Variants in SNTG2 observed in about 807,000 individuals in gnomAD.
SNTG2 encodes gamma-2-syntrophin.
Under a neutral mutation model 70.9 loss-of-function variants are expected in SNTG2, and 74 were observed. That is an observed-to-expected ratio of 1.04 (90% CI 0.86 to 1.27). SNTG2 has a LOEUF of 1.27. Among genes scored for constraint, SNTG2 ranks in the 50% most tolerant of loss-of-function variants. The probability of loss-of-function intolerance (pLI) is 0.00; values close to 1 mark genes in which losing one functional copy is unlikely to be tolerated. For missense variants in SNTG2, 717 were observed against 690.7 expected (o/e 1.04, Z -0.43); for synonymous variants, 278 against 273.8 (o/e 1.02, Z -0.15).
Position 1,267,477 on chromosome 2 carries a change from A to G in SNTG2, c.1190A>G (p.Lys397Arg), listed in dbSNP as rs1430385643. The G allele has an allele frequency of 2.5e-6, 4 of 1,613,796 alleles. No individual in the cohort carries two copies. The highest frequency in any genetic ancestry group is 3.4e-6 in the Non-Finnish European group (4 of 1,179,862). The change falls in exon 14 of 17, where the codon AAG (lysine) becomes AGG (arginine). Residue 397 changes from lysine to arginine, a missense_variant. Coordinates refer to ENST00000308624, the MANE Select transcript of SNTG2 (RefSeq NM_018968.4). ...TTCAGCATCGTGGCCGGCCATGGGA[A>G]GAGCCATGTTTTCAACGTGGAGCTT... is the stretch of plus-strand genomic sequence containing the variant. Reference protein sequence around the residue: ...YCFSIVAGHGKSHVFNVELGS... With the variant: ...YCFSIVAGHGRSHVFNVELGS...
intron 1 of SNTG2, among the ~76,000 whole-genome samples, chr2:965,771 C>G (rs557291924): frequency 6.6e-6 from 1 of 152,198 alleles, no homozygotes; most frequent in African/African-American, 2.4e-5. Flanking sequence ...GCTGGGCCCC[C>G]TACAGTCTTC....
At chr2:1,252,731 T>G (rs1347440646) in intron 12 of SNTG2, among the ~76,000 whole-genome samples, 1 of 152,066 alleles carries the variant, frequency 6.6e-6, no homozygotes, top group Non-Finnish European at 1.5e-5. Context: ...CAAGGAGAAA[T>G]CAACCCCTCA....
At chr2:984,393 C>A (rs1661235459) in intron 1 of SNTG2, among the ~76,000 whole-genome samples, 1 of 151,890 alleles carries the variant, frequency 6.6e-6, no homozygotes, top group South Asian at 2.1e-4. Context: ...GAAGGAGGCT[C>A]AAATCTTCCA....
chr2:1,093,085 C>T (rs748842031), intron 2 of SNTG2, among the ~76,000 whole-genome samples: 1 of 152,070 alleles, frequency 6.6e-6, no homozygotes, highest in Non-Finnish European at 1.5e-5. Flanking sequence ...GTCCCTGGAG[C>T]CCCTGAGTAT....
chr2:1,100,291 C>T (rs1665701343), intron 4 of SNTG2, among the ~76,000 whole-genome samples: 1 of 152,022 alleles, frequency 6.6e-6, no homozygotes, highest in Non-Finnish European at 1.5e-5. Flanking sequence ...CTCAGCCTCC[C>T]GAGTGGCTGG....
intron 8 of SNTG2, among the ~76,000 whole-genome samples, chr2:1,203,184 G>A (rs1673385407): frequency 6.6e-6 from 1 of 152,084 alleles, no homozygotes; most frequent in Admixed American, 6.5e-5. Flanking sequence ...TACTACTTAG[G>A]ACTAAAAAGA....
intron 1 of SNTG2, among the ~76,000 whole-genome samples, chr2:956,539 CG>C (rs1469189350): frequency 6.6e-6 from 1 of 152,230 alleles, no homozygotes; most frequent in Non-Finnish European, 1.5e-5. Context: ...CACCTGCCCC[CG>C]CAACCCATGC....
chr2:1,180,817 C>T (rs550341384), intron 8 of SNTG2, among the ~76,000 whole-genome samples: 2 of 152,026 alleles, frequency 1.3e-5, no homozygotes, highest in African/African-American at 4.8e-5. Context: ...TGGAACCAAC[C>T]CAAATGTCCA....
At chr2:1,075,898 C>T (rs745925277) in intron 1 of SNTG2, among the ~76,000 whole-genome samples, 17 of 152,190 alleles carry the variant, frequency 1.1e-4, no homozygotes, top group Admixed American at 3.9e-4. Flanking sequence ...TCACAAATAC[C>T]GTCTCATTTA....
rs115831348 is a variant in SNTG2 at position 958,791 on chromosome 2, G to C, written c.72+7723G>C. On this transcript the variant is annotated intron_variant, in intron 1 of 16. Transcript: ENST00000308624. The stretch of plus-strand genomic sequence containing the variant: ...ATTTTAGCTTTCTAGATGTAGTACA[G>C]TAAAATGTACTATTTCTTACATAGT... Among the ~76,000 whole-genome samples the C allele has an allele frequency of 3.9e-3, 589 of 152,166 alleles. 2 individuals carry two copies. The highest frequency in any genetic ancestry group is 0.014 in the African/African-American group (563 of 41,522).
chr2:1,280,054 C>T lies in SNTG2; in HGVS notation c.1284+12483C>T, dbSNP rs58642933. ...AAATATGCAAAACATAATTTTCTTA[C>T]AAGCTTAAATTAATTTTCTAGATAA... On this transcript the variant is annotated intron_variant, in intron 14 of 16. Coordinates refer to ENST00000308624, the MANE Select transcript of SNTG2 (RefSeq NM_018968.4). Among the ~76,000 whole-genome samples, 517 of 152,160 alleles carry T rather than the reference C, an allele frequency of 3.4e-3. 3 individuals are homozygous for T. Among genetic ancestry groups the T allele is most frequent in the African/African-American group, 0.012 (503 of 41,488 alleles).
At chr2:1,115,983 G>A (rs528252572) in intron 4 of SNTG2, among the ~76,000 whole-genome samples, 6 of 152,356 alleles carry the variant, frequency 3.9e-5, no homozygotes, top group African/African-American at 1.4e-4. Flanking sequence ...GGGGCCAACG[G>A]GTTCCTCTTC....
chr2:1,127,174 G>A (rs953139137), intron 4 of SNTG2, among the ~76,000 whole-genome samples: 1 of 151,716 alleles, frequency 6.6e-6, no homozygotes, highest in Non-Finnish European at 1.5e-5. Flanking sequence ...TCCTTCTTCT[G>A]CAAGTGAATA....
At chr2:1,223,632 G>A (rs1675523406) in intron 9 of SNTG2, among the ~76,000 whole-genome samples, 1 of 152,224 alleles carries the variant, frequency 6.6e-6, no homozygotes, top group South Asian at 2.1e-4. Flanking sequence ...GCTGAAAGGG[G>A]AGAACTATCA....
intron 16 of SNTG2, among the ~76,000 whole-genome samples, chr2:1,366,359 A>G (rs1661483454): frequency 6.6e-6 from 1 of 152,190 alleles, no homozygotes; most frequent in Admixed American, 6.5e-5. Context: ...AATAACTTCT[A>G]AAAACAGTTT....
At chr2:1,317,187 C>T (rs548867880) in intron 16 of SNTG2, among the ~76,000 whole-genome samples, 1 of 86,354 alleles carries the variant, frequency 1.2e-5, no homozygotes. Context: ...TAGCATGAGG[C>T]CAGCATTGGA....
At position 1,209,171 on chromosome 2, in the gene SNTG2, G is replaced by T; in HGVS notation, c.660G>T (p.Leu220Phe). ...PRYEKRWLDT[L>F]SVPLSMARIS... ...ATGAGAAGCGCTGGCTGGACACCTT[G>T]TCCGTGCCTCTGTCCATGGCTCGCA... Residue 220 changes from leucine (L) to phenylalanine (F), a missense_variant, in exon 9 of 17, where the codon TTG (leucine) becomes TTT (phenylalanine). Transcript: ENST00000308624. 2 of 1,613,958 alleles carry T rather than the reference G, an allele frequency of 1.2e-6. No homozygotes were observed. Among genetic ancestry groups the T allele is most frequent in the Non-Finnish European group, 1.7e-6 (2 of 1,179,904 alleles).
At chr2:1,266,640 GA>G (rs1393740361) in intron 13 of SNTG2, among the ~76,000 whole-genome samples, 1 of 152,032 alleles carries the variant, frequency 6.6e-6, no homozygotes, top group South Asian at 2.1e-4. Context: ...TAATTCTATA[GA>G]GACTCGGAGG....
chr2:1,154,187 G>GT (rs1669702139), intron 6 of SNTG2, among the ~76,000 whole-genome samples: 4 of 151,968 alleles, frequency 2.6e-5, no homozygotes, highest in Admixed American at 2.6e-4. Context: ...GAGGAGCATG[G>GT]TTGGGGGGAG....
Sources: allele counts gnomAD v4.1 joint callset (sites outside exome capture counted in the v4.1 genomes callset), GRCh38; gene constraint gnomAD v4.1.1; transcripts MANE v1.5; gene names NCBI Gene and HGNC (gene_info 2026-07-23, HGNC 2026-07-21).